Variants in NAALADL2 observed in about 807,000 individuals in gnomAD.
NAALADL2 encodes inactive N-acetylated-alpha-linked acidic dipeptidase-like protein 2.
A neutral mutation model predicts 87.2 loss-of-function variants in NAALADL2; 76 were observed. The observed-to-expected ratio is 0.87, with a 90% confidence interval of 0.72 to 1.05. NAALADL2 has a LOEUF of 1.05. NAALADL2 is among the 50% of genes least tolerant of loss of function. NAALADL2 has a pLI of 0.00. For missense variants in NAALADL2, 1,089 were observed against 945.8 expected, an observed-to-expected ratio of 1.15 and a Z score of -1.99; for synonymous variants, 354 against 331.0, an observed-to-expected ratio of 1.07 and a Z score of -0.75.
At chr3:175,313,100 G>A (rs1239028736) in intron 4 of NAALADL2, among the ~76,000 whole-genome samples, 1 of 152,040 alleles carries the variant, frequency 6.6e-6, no homozygotes, top group East Asian at 1.9e-4. Context: ...GTCCTCATAT[G>A]GCCTTTTTAT....
intron 11 of NAALADL2, among the ~76,000 whole-genome samples, chr3:175,720,426 T>C (rs1198877473): frequency 6.6e-6 from 1 of 151,806 alleles, no homozygotes; most frequent in Non-Finnish European, 1.5e-5. Context: ...GAAAAATAAA[T>C]GTAAAGAAGT....
At chr3:174,743,157 G>A (rs1414400618) in intron 3 of NAALADL2, among the ~76,000 whole-genome samples, 12 of 151,632 alleles carry the variant, frequency 7.9e-5, no homozygotes, top group Non-Finnish European at 4.4e-5. Context: ...TCCAAGAAGT[G>A]GCGTATGTTT....
At chr3:175,464,174 T>G (rs1723620078) in intron 7 of NAALADL2, among the ~76,000 whole-genome samples, 1 of 151,948 alleles carries the variant, frequency 6.6e-6, no homozygotes, top group Non-Finnish European at 1.5e-5. Flanking sequence ...TTTTTTTAAA[T>G]AAAAGTTTTG....
intron 2 of NAALADL2, among the ~76,000 whole-genome samples, chr3:175,213,176 A>C (rs534308536): frequency 6.6e-6 from 1 of 152,172 alleles, no homozygotes; most frequent in Admixed American, 6.6e-5. Context: ...CTTGTCCAAG[A>C]TCTCGCATTT....
chr3:175,580,982 T>C (rs1007607000), intron 10 of NAALADL2, among the ~76,000 whole-genome samples: 3 of 152,006 alleles, frequency 2.0e-5, no homozygotes, highest in African/African-American at 7.2e-5. Context: ...AATTATTTCA[T>C]AATATCAATA....
At chr3:175,261,500 A>G (rs1207400986) in intron 4 of NAALADL2, among the ~76,000 whole-genome samples, 2 of 152,144 alleles carry the variant, frequency 1.3e-5, no homozygotes. Context: ...GAAATTACAG[A>G]TGAATATATA....
At chr3:174,469,662 C>A (rs553350458) in intron 1 of NAALADL2, among the ~76,000 whole-genome samples, 1 of 151,766 alleles carries the variant, frequency 6.6e-6, no homozygotes, top group Admixed American at 6.6e-5. Flanking sequence ...TATCTCTTGA[C>A]GTCGTGATCC....
At chr3:175,369,249 C>T (rs1972612) in intron 5 of NAALADL2, among the ~76,000 whole-genome samples, 4,770 of 151,920 alleles carry the variant, frequency 0.031, 100 homozygotes, top group Non-Finnish European at 0.044. Flanking sequence ...TGCCTGTGTG[C>T]GCGTGTGTAT....
chr3:174,761,373 TAA>T (rs969124872), intron 3 of NAALADL2, among the ~76,000 whole-genome samples: 1 of 152,124 alleles, frequency 6.6e-6, no homozygotes, highest in Admixed American at 6.6e-5. Flanking sequence ...TATTTTAAAA[TAA>T]AGTCTTAAGT....
At chr3:175,334,389 T>C (rs1460334542) in intron 5 of NAALADL2, among the ~76,000 whole-genome samples, 8 of 152,144 alleles carry the variant, frequency 5.3e-5, no homozygotes, top group Admixed American at 3.9e-4. Flanking sequence ...GTAACTCCCC[T>C]CACCAACAGT....
intron 11 of NAALADL2, among the ~76,000 whole-genome samples, chr3:175,706,441 TA>T (rs1232469283): frequency 6.6e-6 from 1 of 152,084 alleles, no homozygotes; most frequent in African/African-American, 2.4e-5. Context: ...AATAAAGTAA[TA>T]AAAACTGTAA....
chr3:175,228,667 G>A (rs1448913828), intron 2 of NAALADL2, among the ~76,000 whole-genome samples: 2 of 151,904 alleles, frequency 1.3e-5, no homozygotes, highest in Non-Finnish European at 2.9e-5. Context: ...GCAGTTCATA[G>A]TTCTCCCATA....
At chr3:175,759,458 A>G (rs1747712485) in intron 13 of NAALADL2, among the ~76,000 whole-genome samples, 1 of 151,884 alleles carries the variant, frequency 6.6e-6, no homozygotes, top group African/African-American at 2.4e-5. Flanking sequence ...CCGGGGTTCA[A>G]GCGATTCTCC....
chr3:175,563,041 C>T (rs9820360), intron 9 of NAALADL2, among the ~76,000 whole-genome samples: 150,473 of 152,068 alleles, frequency 0.99, 74,455 homozygotes, highest in East Asian at 1. Context: ...AAGTGCTTTA[C>T]ACTAGATGAG....
At chr3:175,423,031 ATATAT>A (rs1716013136) in intron 5 of NAALADL2, among the ~76,000 whole-genome samples, 1 of 99,858 alleles carries the variant, frequency 1.0e-5, no homozygotes, top group African/African-American at 4.5e-5. Flanking sequence ...AAAAAAAAAT[ATATAT>A]ATATATATAT....
intron 1 of NAALADL2, among the ~76,000 whole-genome samples, chr3:174,488,176 A>G (rs1011996782): frequency 6.6e-6 from 1 of 152,010 alleles, no homozygotes; most frequent in Non-Finnish European, 1.5e-5. Context: ...CTGCTTATAT[A>G]TTACTTTACA....
intron 2 of NAALADL2, among the ~76,000 whole-genome samples, chr3:175,127,943 A>G (rs6801204): frequency 0.52 from 78,982 of 152,042 alleles, 20,601 homozygotes; most frequent in East Asian, 0.63. Context: ...GATGTGATAT[A>G]GTGTAGTTAT....
chr3:174,684,097 T>TA (rs1336614997), intron 2 of NAALADL2, among the ~76,000 whole-genome samples: 1 of 152,050 alleles, frequency 6.6e-6, no homozygotes, highest in Non-Finnish European at 1.5e-5. Flanking sequence ...TTTTTTGTGT[T>TA]AAAATCACAC....
chr3:175,252,973 A>C lies in NAALADL2; in HGVS notation c.820-3438A>C, dbSNP rs73045250. Among the ~76,000 whole-genome samples, 205 of 152,340 alleles carry C rather than the reference A, an allele frequency of 1.3e-3. 1 individual carries two copies. Among genetic ancestry groups the C allele is most frequent in the African/African-American group, 4.8e-3 (198 of 41,580 alleles). On this transcript the variant is annotated intron_variant, in intron 3 of 13. Transcript: ENST00000454872. ...TTGATCCATGAGGTTTAAGAAAAGA[A>C]GCTATCTCCATGACATAAAAGTACA... is the stretch of plus-strand genomic sequence containing the variant.
Sources: allele counts gnomAD v4.1 joint callset (sites outside exome capture counted in the v4.1 genomes callset), GRCh38; gene constraint gnomAD v4.1.1; transcripts MANE v1.5; gene names NCBI Gene and HGNC (gene_info 2026-07-23, HGNC 2026-07-21).